The following FRMD4A variants were observed in gnomAD, a reference collection of about 807,000 sequenced individuals.
FRMD4A encodes the protein FERM domain-containing protein 4A.
A neutral mutation model predicts 129.1 loss-of-function variants in FRMD4A; 29 were observed. The observed-to-expected ratio is 0.22, with a 90% CI of 0.17 to 0.31. The LOEUF (loss-of-function observed/expected upper bound fraction) is 0.31. Ranked by LOEUF, FRMD4A falls within the 10% of genes least tolerant of loss-of-function variation. FRMD4A has a pLI of 1.00. For missense variants in FRMD4A, 1,272 were observed against 1,375.8 expected, an observed-to-expected ratio of 0.92 and a Z score of 1.19; for synonymous variants, 634 against 571.6, an observed-to-expected ratio of 1.11 and a Z score of -1.56.
chr10:13,791,402 G>T (rs1271614369), intron 5 of FRMD4A, among the ~76,000 whole-genome samples: 2 of 150,034 alleles, frequency 1.3e-5, no homozygotes, highest in South Asian at 2.1e-4. Flanking sequence ...AGAAATAAAA[G>T]GTGTGTGTGT....
intron 2 of FRMD4A, among the ~76,000 whole-genome samples, chr10:14,119,144 A>C (rs1838358834): frequency 6.6e-6 from 1 of 152,120 alleles, no homozygotes; most frequent in South Asian, 2.1e-4. Context: ...AGGCCAAGTG[A>C]GCCCTCAATG....
At chr10:13,905,200 T>G (rs1473208919) in intron 2 of FRMD4A, among the ~76,000 whole-genome samples, 41 of 152,064 alleles carry the variant, frequency 2.7e-4, no homozygotes, top group Admixed American at 2.7e-3. Context: ...TGAAGACTCC[T>G]GAAAGCTTTT....
Position 13,731,420 on chromosome 10 carries a change from G to A in FRMD4A, c.759+6424C>T, listed in dbSNP as rs533069371. Among the ~76,000 whole-genome samples the A allele has an allele frequency of 4.3e-3, 654 of 152,262 alleles. 3 individuals carry two copies. The highest frequency in any genetic ancestry group is 0.018 in the South Asian group (89 of 4,824). ...TCCCAGCACTTTGGGAGGCCAAGGTGGGGGGATCCCCTGAGGTGAGGAGAT... is the reference window on the plus strand; with the variant it reads ...TCCCAGCACTTTGGGAGGCCAAGGTAGGGGGATCCCCTGAGGTGAGGAGAT... On this transcript the variant is annotated intron_variant, in intron 12 of 24. Coordinates refer to ENST00000357447, the MANE Select transcript of FRMD4A (RefSeq NM_018027.5).
At chr10:14,146,499 C>A (rs939124729) in intron 2 of FRMD4A, among the ~76,000 whole-genome samples, 5 of 152,184 alleles carry the variant, frequency 3.3e-5, no homozygotes, top group Non-Finnish European at 7.3e-5. Context: ...GTTCATCTTA[C>A]AACTGTTGAT....
chr10:13,657,636 C>A, intron 21 of FRMD4A, 114 bp from the exon 22 acceptor site: 1 of 1,394,608 alleles, frequency 7.2e-7, no homozygotes, highest in South Asian at 1.6e-5. Context: ...CGGGCGCAGG[C>A]CCCAGCCCAG....
intron 2 of FRMD4A, among the ~76,000 whole-genome samples, chr10:14,181,938 G>T (rs563168134): frequency 6.6e-6 from 1 of 152,182 alleles, no homozygotes; most frequent in Non-Finnish European, 1.5e-5. Flanking sequence ...TGATCTGCCC[G>T]TCTCGGCCTC....
chr10:13,975,471 G>A (rs909662994), intron 2 of FRMD4A, among the ~76,000 whole-genome samples: 1 of 151,940 alleles, frequency 6.6e-6, no homozygotes, highest in East Asian at 1.9e-4. Context: ...TGTCTATTAT[G>A]TGTCTGTGTG....
At chr10:14,236,425 G>A (rs1843816287) in intron 2 of FRMD4A, among the ~76,000 whole-genome samples, 1 of 152,220 alleles carries the variant, frequency 6.6e-6, no homozygotes, top group South Asian at 2.1e-4. Context: ...CAGGAGCCGA[G>A]GTCTAGGTGG....
chr10:13,657,044 C>T lies in FRMD4A; in HGVS notation c.2545G>A (p.Val849Met). 6.4e-7 allele frequency: 1 copy of T among 1,571,956 alleles called. No homozygotes were observed. The highest frequency in any genetic ancestry group is 8.6e-7 in the Non-Finnish European group (1 of 1,165,768). ...TGGTCGCTCTCCAGGCTGCGCACCA[C>T]CACGGGCGTGGCGCCGCCCTCGATG... The part of the protein sequence containing the change: ...LYIEGGATPV[V>M]VRSLESDQEG... The change falls in exon 22 of 25, where the codon GTG becomes ATG. Residue 849 changes from valine to methionine, a missense_variant. Physicochemically the swap from Val to Met is conservative, Grantham distance 21. Around this residue, in one of 2 missense-constraint regions of FRMD4A, gnomAD observed 972 missense variants for 892.3 expected, o/e 1.09. Coordinates refer to ENST00000357447, the MANE Select transcript of FRMD4A (RefSeq NM_018027.5).
intron 3 of FRMD4A, among the ~76,000 whole-genome samples, chr10:13,851,563 C>A (rs576201585): frequency 1.4e-4 from 21 of 152,190 alleles, no homozygotes; most frequent in Admixed American, 1.0e-3. Flanking sequence ...GAGTCCAAAC[C>A]CTACGGTGAA....
At chr10:13,687,629 C>G (rs1185118655) in intron 15 of FRMD4A, among the ~76,000 whole-genome samples, 1 of 152,162 alleles carries the variant, frequency 6.6e-6, no homozygotes, top group Non-Finnish European at 1.5e-5. Context: ...TTCTCTCAAA[C>G]TGTACCTGAA....
chr10:13,939,720 G>A (rs1170174026), intron 2 of FRMD4A, among the ~76,000 whole-genome samples: 1 of 152,166 alleles, frequency 6.6e-6, no homozygotes, highest in Admixed American at 6.5e-5. Flanking sequence ...GTACTGCACA[G>A]TGACCCCCTC....
At chr10:14,175,745 A>C (rs1485161217) in intron 2 of FRMD4A, among the ~76,000 whole-genome samples, 2 of 152,060 alleles carry the variant, frequency 1.3e-5, no homozygotes, top group Non-Finnish European at 2.9e-5. Flanking sequence ...GGCTGGTCTC[A>C]AACTCCTGGC....
At chr10:14,007,169 T>G (rs2095665103) in intron 2 of FRMD4A, 1 of 152,212 alleles carries the variant, frequency 6.6e-6, no homozygotes, top group African/African-American at 2.4e-5. Flanking sequence ...CTTCATGTGA[T>G]GCTATTTGCT....
intron 2 of FRMD4A, among the ~76,000 whole-genome samples, chr10:14,053,757 G>A (rs1489715178): frequency 6.6e-6 from 1 of 152,142 alleles, no homozygotes; most frequent in Admixed American, 6.6e-5. Flanking sequence ...GGTGGCTCAT[G>A]CCTATAATGA....
At chr10:14,073,335 G>T (rs1404684025) in intron 2 of FRMD4A, among the ~76,000 whole-genome samples, 4 of 152,160 alleles carry the variant, frequency 2.6e-5, no homozygotes, top group African/African-American at 9.7e-5. Context: ...GAAGCTGGAA[G>T]CTTCTTTGGT....
chr10:14,253,635 A>C (rs960514871), intron 2 of FRMD4A, among the ~76,000 whole-genome samples: 3 of 152,134 alleles, frequency 2.0e-5, no homozygotes, highest in African/African-American at 7.2e-5. Flanking sequence ...ATTCACTTAA[A>C]ACTCTCCCCT....
chr10:13,859,506 G>A (rs1210283979), intron 2 of FRMD4A, among the ~76,000 whole-genome samples: 2 of 152,226 alleles, frequency 1.3e-5, no homozygotes, highest in African/African-American at 4.8e-5. Flanking sequence ...TAATAAGGGA[G>A]ATGTAAAATA....
chr10:13,693,824 T>C, intron 15 of FRMD4A, 74 bp downstream of exon 15: 1 of 1,490,914 alleles, frequency 6.7e-7, no homozygotes, highest in East Asian at 2.3e-5. Context: ...GCTGCAGCTC[T>C]CCCCACCTTC....
Sources: gnomAD v4.1 joint callset for allele counts (sites outside exome capture counted in the v4.1 genomes callset) on GRCh38, gnomAD v4.1.1 for gene constraint, gnomAD v4.1.1 regional missense constraint, MANE v1.5 for transcripts, NCBI Gene and HGNC (gene_info 2026-07-23, HGNC 2026-07-21) for gene names.